The following AMPH variants were observed in gnomAD, a reference collection of about 807,000 sequenced individuals.
AMPH encodes amphiphysin.
A neutral mutation model predicts 99.1 loss-of-function variants in AMPH; 49 were observed. The ratio of observed to expected loss-of-function variants is 0.49; its 90% confidence interval spans 0.39 to 0.63. The LOEUF (loss-of-function observed/expected upper bound fraction) is 0.63. Ranked by LOEUF, AMPH falls within the 20% of genes least tolerant of loss-of-function variation. AMPH has a pLI of 0.00. For synonymous variants in AMPH, 314 were observed against 317.3 expected, an observed-to-expected ratio of 0.99 and a Z score of 0.11; for missense variants, 759 against 863.4, an observed-to-expected ratio of 0.88 and a Z score of 1.52.
At chr7:38,407,308 CAG>C (rs1471209752) in intron 17 of AMPH, among the ~76,000 whole-genome samples, 11 of 131,232 alleles carry the variant, frequency 8.4e-5, no homozygotes, top group Non-Finnish European at 1.5e-4. Context: ...GAGAGAGAGA[CAG>C]AGAGAGAGGA....
At chr7:38,463,154 A>G in intron 9 of AMPH, 41 bp from the exon 10 acceptor site, 1 of 1,613,612 alleles carries the variant, frequency 6.2e-7, no homozygotes, top group Non-Finnish European at 8.5e-7. Flanking sequence ...CCTTCTCAAG[A>G]ACAGTATTCA....
chr7:38,482,650 A>G (rs962369090), intron 5 of AMPH, among the ~76,000 whole-genome samples: 1 of 152,076 alleles, frequency 6.6e-6, no homozygotes, highest in Non-Finnish European at 1.5e-5. Flanking sequence ...TGTTCCTGAA[A>G]CTCAAAAAAC....
At chr7:38,532,977 G>C (rs1198092260) in intron 2 of AMPH, among the ~76,000 whole-genome samples, 3 of 152,182 alleles carry the variant, frequency 2.0e-5, no homozygotes, top group African/African-American at 7.2e-5. Context: ...CTTAGGTAGG[G>C]AAAACTGTAA....
In AMPH at chr7:38,394,177, G is replaced by T; in HGVS notation, c.1436C>A (p.Thr479Asn). ...GGCCCCCTCAGCTGCTGACACCAAG[G>T]TTCCAACAGCTGCATCAGCATCAGC... Reference protein sequence around the residue: ...PGADADAAVGTLVSAAEGAPG... With the variant: ...PGADADAAVGNLVSAAEGAPG... The change falls in exon 18 of 21, where the codon ACC (threonine) becomes AAC (asparagine). Residue 479 changes from threonine to asparagine, a missense_variant. Transcript: ENST00000356264. The T allele has an allele frequency of 6.2e-7, 1 of 1,614,196 alleles. No homozygotes were observed. Among genetic ancestry groups the T allele is most frequent in the Non-Finnish European group, 8.5e-7 (1 of 1,180,036 alleles).
chr7:38,516,885 G>C (rs535806128), intron 2 of AMPH, among the ~76,000 whole-genome samples: 1 of 152,302 alleles, frequency 6.6e-6, no homozygotes, highest in Non-Finnish European at 1.5e-5. Flanking sequence ...GATTATTTTG[G>C]ACCCTTCAGA....
Position 38,466,176 on chromosome 7 carries a change from C to T in AMPH, c.663G>A (p.Ala221=), listed in dbSNP as rs766287510. 1.4e-5 allele frequency: 22 copies of T among 1,601,866 alleles called. No individual in the cohort carries two copies. The highest frequency in any genetic ancestry group is 3.4e-5 in the South Asian group (3 of 88,052). The change falls in exon 8 of 21, where the codon GCG becomes GCA. Residue 221 remains alanine (A), a synonymous_variant. Coordinates refer to ENST00000356264, the MANE Select transcript of AMPH (RefSeq NM_001635.4). ...SLEAKFHKEI[A]VLCHKLYEVM... ...AAAAATTATCGTCATGACTCACCACCGCAATTTCCTTATGAAACTTGGCTT... is the reference window on the plus strand; with the variant it reads ...AAAAATTATCGTCATGACTCACCACTGCAATTTCCTTATGAAACTTGGCTT...
chr7:38,504,145 A>G (rs979645541), intron 2 of AMPH, among the ~76,000 whole-genome samples: 4 of 152,228 alleles, frequency 2.6e-5, no homozygotes, highest in Non-Finnish European at 5.9e-5. Flanking sequence ...TTAGAGACTG[A>G]GTACCAGAAA....
chr7:38,556,895 T>A (rs764476685), intron 1 of AMPH, among the ~76,000 whole-genome samples: 1 of 152,176 alleles, frequency 6.6e-6, no homozygotes, highest in Non-Finnish European at 1.5e-5. Flanking sequence ...TTGGGTACCA[T>A]GCTCAGTATC....
intron 11 of AMPH, among the ~76,000 whole-genome samples, chr7:38,457,511 A>C (rs1787277974): frequency 6.6e-6 from 1 of 152,214 alleles, no homozygotes; most frequent in African/African-American, 2.4e-5. Context: ...CAGTGAGACA[A>C]AAATAAATAA....
intron 11 of AMPH, among the ~76,000 whole-genome samples, chr7:38,451,394 A>ACATATG (rs1787027973): frequency 2.6e-5 from 4 of 151,344 alleles, no homozygotes; most frequent in Admixed American, 1.3e-4. Flanking sequence ...GTATATATAC[A>ACATATG]TATACGTGTG....
intron 11 of AMPH, among the ~76,000 whole-genome samples, chr7:38,456,518 T>G (rs1787241064): frequency 6.6e-6 from 1 of 152,154 alleles, no homozygotes; most frequent in South Asian, 2.1e-4. Context: ...TCCTCCTGGG[T>G]CTGAGATTGG....
chr7:38,392,038 G>A, intron 18 of AMPH, 21 bp from the exon 19 acceptor site: 1 of 1,599,932 alleles, frequency 6.3e-7, no homozygotes, highest in African/African-American at 1.3e-5. Flanking sequence ...AAAAACCGTG[G>A]CGATGCCCGG....
chr7:38,429,075 C>G (rs1361985623), intron 14 of AMPH: 1 of 1,290,442 alleles, frequency 7.7e-7, no homozygotes, highest in African/African-American at 1.5e-5. Context: ...CGCCTCCACA[C>G]CTGCCCACAG....
chr7:38,509,921 C>T (rs1303628244), intron 2 of AMPH, among the ~76,000 whole-genome samples: 1 of 152,022 alleles, frequency 6.6e-6, no homozygotes, highest in Non-Finnish European at 1.5e-5. Flanking sequence ...CCAAATCAGA[C>T]AGCACGTACA....
rs931672451 is a variant in AMPH at position 38,630,760 on chromosome 7, T to TC, written c.69+522_69+523insG. Among the ~76,000 whole-genome samples, 28 of 152,212 alleles carry TC rather than the reference T, an allele frequency of 1.8e-4. 1 individual carries two copies. The highest frequency in any genetic ancestry group is 1.5e-5 in the Non-Finnish European group (1 of 68,028). ...TTGGTCCTGGGAGATTTTTGGTGGCTTCTCTGTTAAATCGTTCGTGTCTGC... is the reference window on the plus strand; with the variant it reads ...TTGGTCCTGGGAGATTTTTGGTGGCTCTCTCTGTTAAATCGTTCGTGTCTGC... On this transcript the variant is annotated intron_variant, in intron 1 of 20. Transcript: ENST00000356264.
At chr7:38,393,961 G>A in intron 18 of AMPH, 44 bp downstream of exon 18, 1 of 1,598,066 alleles carries the variant, frequency 6.3e-7, no homozygotes, top group Non-Finnish European at 8.6e-7. Flanking sequence ...CCCAGCCCAT[G>A]CTACTTCCCA....
intron 1 of AMPH, among the ~76,000 whole-genome samples, chr7:38,580,920 G>T (rs1485258681): frequency 6.6e-6 from 1 of 152,016 alleles, no homozygotes; most frequent in Admixed American, 6.6e-5. Context: ...ACCTTATTTT[G>T]CATACTCTGG....
At chr7:38,460,331 A>G (rs1216113967) in intron 11 of AMPH, among the ~76,000 whole-genome samples, 2 of 152,232 alleles carry the variant, frequency 1.3e-5, no homozygotes, top group Non-Finnish European at 2.9e-5. Context: ...CAGCAATCCC[A>G]TTATTGGGTA....
At chr7:38,450,559 T>G (rs1786969666) in intron 11 of AMPH, among the ~76,000 whole-genome samples, 1 of 152,168 alleles carries the variant, frequency 6.6e-6, no homozygotes, top group Non-Finnish European at 1.5e-5. Flanking sequence ...CCAACACTAC[T>G]CCATGTGTAC....
Sources: gnomAD v4.1 joint callset for allele counts (sites outside exome capture counted in the v4.1 genomes callset) on GRCh38, gnomAD v4.1.1 for gene constraint, MANE v1.5 for transcripts, NCBI Gene and HGNC (gene_info 2026-07-23, HGNC 2026-07-21) for gene names.